SLC4A11: variants seen among roughly 807,000 people sequenced by gnomAD.
SLC4A11 encodes solute carrier family 4 member 11, also known as bicarbonate transporter related protein 1.
Under a neutral mutation model 95.0 loss-of-function variants are expected in SLC4A11, and 74 were observed. The ratio of observed to expected loss-of-function variants is 0.78; its 90% CI spans 0.65 to 0.95. The LOEUF (loss-of-function observed/expected upper bound fraction) is 0.95. Ranked by LOEUF, SLC4A11 falls within the 40% of genes least tolerant of loss-of-function variation. SLC4A11 has a pLI of 0.00. For missense variants in SLC4A11, 1,081 were observed against 1,192.4 expected (o/e 0.91, Z 1.38); for synonymous variants, 548 against 519.0 (o/e 1.06, Z -0.76).
chr20:3,235,309 TCA>T (rs58744452), intron 2 of SLC4A11, among the ~76,000 whole-genome samples: 10,978 of 122,432 alleles, frequency 0.09, 553 homozygotes, highest in Middle Eastern at 0.18. Context: ...TCTCTCTCTC[TCA>T]CACACACACA....
intron 13 of SLC4A11, 95 bp from the exon 14 acceptor site, chr20:3,229,871 G>A (rs2067694488): frequency 6.4e-7 from 1 of 1,550,786 alleles, no homozygotes; most frequent in Admixed American, 1.7e-5. Context: ...GGCTCCAGGG[G>A]GAAGGTGAGG....
At chr20:3,238,452 C>G in intron 1 of SLC4A11, 1 of 1,027,324 alleles carries the variant, frequency 9.7e-7, no homozygotes, top group Non-Finnish European at 1.2e-6. Context: ...TGGGGCGCGT[C>G]CCAGGCCGTG....
Position 3,236,372 on chromosome 20 carries a change from C to G in SLC4A11, c.88+1172G>C, listed in dbSNP as rs371592781. Among the ~76,000 whole-genome samples the G allele has an allele frequency of 2.2e-4, 33 of 152,286 alleles. No homozygotes were observed. The East Asian group carries it at 5.0e-3, about 23-fold the overall frequency. On this transcript the variant is annotated intron_variant, in intron 2 of 19. Coordinates refer to ENST00000642402, the MANE Select transcript of SLC4A11 (RefSeq NM_001174089.2). ...CAGGCGGATCACGAGGTCAGGAGATCGAGACCATCCTGGCTAACAATGGCT... is the reference window on the plus strand; with the variant it reads ...CAGGCGGATCACGAGGTCAGGAGATGGAGACCATCCTGGCTAACAATGGCT...
Position 3,233,943 on chromosome 20 carries a change from G to T in SLC4A11, c.583C>A (p.Gln195Lys). 1 of 1,613,508 alleles carries T rather than the reference G, an allele frequency of 6.2e-7. No individual in the cohort carries two copies. Among genetic ancestry groups the T allele is most frequent in the East Asian group, 2.2e-5 (1 of 44,866 alleles). ...VTATVTGVRYQQSWLCIICTM... is the reference protein window; with the variant it reads ...VTATVTGVRYKQSWLCIICTM... ...CACATGATGCAGAGCCACGACTGCT[G>T]GTACCGCACCCCTGTCACTGTGGCG... The change falls in exon 6 of 20, where the codon CAG becomes AAG. Residue 195 changes from glutamine (Q) to lysine (K), a missense_variant. This residue lies in a region of SLC4A11 where 310 missense variants were observed against 313.5 expected (regional missense o/e 0.99). Transcript: ENST00000642402.
intron 1 of SLC4A11, 131 bp from the exon 2 acceptor site, chr20:3,237,719 G>A (rs2068028826): frequency 6.2e-7 from 1 of 1,613,810 alleles, no homozygotes. Context: ...CGCCACCCTA[G>A]GGAGAAAGGG....
intron 1 of SLC4A11, 182 bp downstream of exon 1, chr20:3,238,913 G>C: frequency 7.9e-7 from 1 of 1,257,890 alleles, no homozygotes; most frequent in Non-Finnish European, 1.0e-6. Flanking sequence ...CCGCGAAGCC[G>C]CGCCCGGGCC....
rs1878987443 is a variant in SLC4A11 at position 3,229,015 on chromosome 20, C to A, written c.2019-4G>T. ...GTAGGCAGTGCCCTTCACCAGCCTG[C>A]AGCAGACGGGCACTCGTGGACAGAG... On this transcript the variant is annotated splice_polypyrimidine_tract_variant and splice_region_variant and intron_variant, in intron 16 of 19. Coordinates refer to ENST00000642402, the MANE Select transcript of SLC4A11 (RefSeq NM_001174089.2). The A allele has an allele frequency of 4.3e-6, 7 of 1,612,772 alleles. No individual in the cohort carries two copies. The East Asian group carries it at 1.6e-4, about 36-fold the overall frequency.
chr20:3,238,864 G>T, intron 1 of SLC4A11: 1 of 1,221,498 alleles, frequency 8.2e-7, no homozygotes, highest in Non-Finnish European at 1.0e-6. Flanking sequence ...AATTCAAGAC[G>T]GCGACAGCAG....
intron 15 of SLC4A11, 27 bp downstream of exon 15, chr20:3,229,319 G>A (rs766656157): frequency 5.0e-6 from 8 of 1,612,940 alleles, no homozygotes; most frequent in East Asian, 2.2e-5. Context: ...GCTACCCCAC[G>A]TCACCCACCG....
rs2144771 is a variant in SLC4A11 at position 3,233,374 on chromosome 20, G to T, written c.729+140C>A. On this transcript the variant is annotated intron_variant, in intron 7 of 19. Transcript: ENST00000642402. ...TTGCCGGGCCTAGCAACATGTTTCT[G>T]ACACACCCACAGGGCCGAGGCGAAG... 652,500 of 1,248,768 alleles carry T rather than the reference G, an allele frequency of 0.52. 172,105 individuals are homozygous for T. Among genetic ancestry groups the T allele is most frequent in the South Asian group, 0.61 (46,682 of 76,618 alleles). 77.4% of individuals were successfully genotyped at this position (1,248,768 alleles called of 1,614,324 possible).
chr20:3,229,063 C>CCCCCCCCCCCCCCCCCCCCCCCCCCCCA, intron 16 of SLC4A11, 32 bp downstream of exon 16: 1 of 781,066 alleles, frequency 1.3e-6, no homozygotes, highest in Non-Finnish European at 2.0e-6. Flanking sequence ...GGCCCGGGCC[C>CCCCCCCCCCCCCCCCCCCCCCCCCCCCA]CGCCCACCCC....
In SLC4A11 at chr20:3,234,984, G is replaced by C; in HGVS notation, c.89-90C>G. On this transcript the variant is annotated intron_variant, in intron 2 of 19. Transcript: ENST00000642402. The surrounding 1 kb of genome is among the most constrained non-coding windows in gnomAD (Gnocchi z 5.8). ...CAAGCCCAGGGAGCAGGGACCCCTG[G>C]ACTGTCCCACTCTCGGGCCGTGGTG... The C allele has an allele frequency of 6.5e-7, 1 of 1,540,818 alleles. No individual in the cohort carries two copies. The highest frequency in any genetic ancestry group is 8.9e-7 in the Non-Finnish European group (1 of 1,118,550).
intron 2 of SLC4A11, among the ~76,000 whole-genome samples, chr20:3,236,518 G>A (rs2067986378): frequency 6.6e-6 from 1 of 151,430 alleles, no homozygotes; most frequent in South Asian, 2.1e-4. Context: ...GAACCCAGGA[G>A]GCAGAGCTTG....
Position 3,231,447 on chromosome 20 carries a change from T to C in SLC4A11, c.831A>G (p.Glu277=). ...QKLLETRTEE[E]FKEALVHQRQ... ...TCTGATGCACCAAGGCCTCCTTGAA[T>C]TCCTCCTCTGTGCGGGTCTCCAGGA... Residue 277 remains glutamate, a synonymous_variant, in exon 8 of 20, where the codon GAA becomes GAG. Transcript: ENST00000642402. This position sits in a 1 kb window ranked among gnomAD's most constrained non-coding sequence, Gnocchi z 5.2. The C allele has an allele frequency of 6.2e-7, 1 of 1,614,064 alleles. No homozygotes were observed.
In SLC4A11 at chr20:3,227,430, A is replaced by G. The variant is rs2067568752; in HGVS notation, c.*357T>C. On this transcript the variant is annotated 3_prime_UTR_variant, in exon 20 of 20. Transcript: ENST00000642402. ...ACAGGTGGCACATAGGAGCCTAGAA[A>G]CAGGAGCTTTATTCTCTAATGTGCG... The G allele has an allele frequency of 3.2e-6, 1 of 310,134 alleles. No homozygotes were observed. The highest frequency in any genetic ancestry group is 2.1e-5 in the African/African-American group (1 of 46,922). The allele number at this position is 310,134 out of a possible 1,614,324, so 19.2% of individuals were successfully genotyped here.
In SLC4A11 at chr20:3,227,856, G is replaced by A. The variant is rs376253760; in HGVS notation, c.2559C>T (p.Arg853=). 2.7e-5 allele frequency: 43 copies of A among 1,612,704 alleles called. No individual in the cohort carries two copies. The highest frequency in any genetic ancestry group is 3.5e-5 in the Non-Finnish European group (41 of 1,179,736). The part of the protein sequence containing the change: ...PLIMIAMIPI[R]YILLPRIIEA... ...CAATGATTCGGGGCAGCAGGATATA[G>A]CTGTGGGGAGGGAGGGACAGGAGGA... is the stretch of plus-strand genomic sequence containing the variant. The change falls in exon 20 of 20, where the codon CGC becomes CGT. Residue 853 remains arginine, a splice_region_variant and synonymous_variant. Transcript: ENST00000642402.
Position 3,228,587 on chromosome 20 carries a change from G to A in SLC4A11, c.2313C>T (p.Leu771=), listed in dbSNP as rs1239986494. ...GGGAGGTGAGCGCGATGTAGAGGAA[G>A]AGGCCATAGAGCACGGGCTTGGGGA... ...QWIPKPVLYG[L]FLYIALTSLD... is the part of the protein sequence containing the mutation. Residue 771 remains leucine (L), a synonymous_variant, in exon 18 of 20, where the codon CTC becomes CTT. Coordinates refer to ENST00000642402, the MANE Select transcript of SLC4A11 (RefSeq NM_001174089.2). The A allele has an allele frequency of 3.1e-6, 5 of 1,613,220 alleles. No homozygotes were observed. The highest frequency in any genetic ancestry group is 3.4e-6 in the Non-Finnish European group (4 of 1,179,986).
upstream of SLC4A11, chr20:3,239,336 C>T (rs913956410): frequency 8.7e-7 from 1 of 1,145,378 alleles, no homozygotes; most frequent in Non-Finnish European, 1.1e-6. Context: ...GCCGCCCGCC[C>T]CGCGCCCTCA....
chr20:3,234,978 C>G lies in SLC4A11; in HGVS notation c.89-84G>C. 1 of 1,546,608 alleles carries G rather than the reference C, an allele frequency of 6.5e-7. No individual in the cohort carries two copies. Among genetic ancestry groups the G allele is most frequent in the South Asian group, 1.1e-5 (1 of 89,528 alleles). On this transcript the variant is annotated intron_variant, in intron 2 of 19. Transcript: ENST00000642402. This position sits in a 1 kb window ranked among gnomAD's most constrained non-coding sequence, Gnocchi z 5.8. ...GGGCTCCAAGCCCAGGGAGCAGGGACCCCTGGACTGTCCCACTCTCGGGCC... is the reference window on the plus strand; with the variant it reads ...GGGCTCCAAGCCCAGGGAGCAGGGAGCCCTGGACTGTCCCACTCTCGGGCC...
Sources: allele counts gnomAD v4.1 joint callset (sites outside exome capture counted in the v4.1 genomes callset), GRCh38; gene constraint gnomAD v4.1.1; regional missense constraint gnomAD v4.1.1; non-coding constraint Gnocchi (gnomAD v3.1); transcripts MANE v1.5; gene names NCBI Gene and HGNC (gene_info 2026-07-23, HGNC 2026-07-21).